The following CREB5 variants were observed in gnomAD, a reference collection of about 807,000 sequenced individuals.
CREB5 encodes the protein cAMP responsive element binding protein 5.
CREB5 carries 19 observed loss-of-function variants against 57.1 expected under a neutral mutation model. That is an observed-to-expected ratio of 0.33 (90% confidence interval 0.23 to 0.49). The LOEUF is 0.49. CREB5 is among the 20% of genes least tolerant of loss of function. The pLI is 0.99. For synonymous variants in CREB5, 238 were observed against 238.3 expected (o/e 1.00, Z 0.01); for missense variants, 579 against 671.6 (o/e 0.86, Z 1.52).
intron 5 of CREB5, among the ~76,000 whole-genome samples, chr7:28,680,908 C>T (rs1180710134): frequency 6.6e-6 from 1 of 152,186 alleles, no homozygotes; most frequent in Non-Finnish European, 1.5e-5. Context: ...GTGGCAGTGT[C>T]TCCTTTTTTA....
intron 1 of CREB5, among the ~76,000 whole-genome samples, chr7:28,435,839 G>A (rs1322778710): frequency 6.6e-6 from 1 of 152,116 alleles, no homozygotes; most frequent in Non-Finnish European, 1.5e-5. Context: ...GAAGATTGGT[G>A]ACTCTTGGAT....
At chr7:28,750,463 T>A (rs1218947724) in intron 7 of CREB5, among the ~76,000 whole-genome samples, 2 of 152,200 alleles carry the variant, frequency 1.3e-5, no homozygotes, top group East Asian at 3.8e-4. Context: ...ACATTATAAA[T>A]TTCTGACAAG....
chr7:28,398,282 C>A (rs543219151), intron 1 of CREB5, among the ~76,000 whole-genome samples: 1 of 152,218 alleles, frequency 6.6e-6, no homozygotes, highest in East Asian at 1.9e-4. Flanking sequence ...GTAGAGCGCT[C>A]CATGGTGAAG....
chr7:28,653,233 T>G (rs1799213136), intron 5 of CREB5, among the ~76,000 whole-genome samples: 1 of 152,176 alleles, frequency 6.6e-6, no homozygotes, highest in African/African-American at 2.4e-5. Context: ...AAAATAGAAC[T>G]AGGTATATTC....
chr7:28,749,244 G>C (rs1804845581), intron 7 of CREB5: 1 of 152,230 alleles, frequency 6.6e-6, no homozygotes, highest in African/African-American at 2.4e-5. Flanking sequence ...GAGTTAATTA[G>C]TATTTAAATA....
intron 5 of CREB5, among the ~76,000 whole-genome samples, chr7:28,672,004 G>A (rs1405976154): frequency 6.6e-6 from 1 of 151,868 alleles, no homozygotes; most frequent in Non-Finnish European, 1.5e-5. Flanking sequence ...ATGCCTGTGA[G>A]CTTTACACCT....
chr7:28,397,986 C>T (rs1262244041), intron 1 of CREB5, among the ~76,000 whole-genome samples: 1 of 152,016 alleles, frequency 6.6e-6, no homozygotes, highest in Non-Finnish European at 1.5e-5. Flanking sequence ...TAAAAATGTA[C>T]AATTCAGTGA....
chr7:28,487,436 G>C (rs566812146), intron 1 of CREB5, among the ~76,000 whole-genome samples: 1 of 152,226 alleles, frequency 6.6e-6, no homozygotes, highest in East Asian at 1.9e-4. Context: ...TGGATCAAGG[G>C]GCAGCAACCT....
chr7:28,629,464 C>A (rs1379820646), intron 5 of CREB5, among the ~76,000 whole-genome samples: 2 of 152,198 alleles, frequency 1.3e-5, no homozygotes, highest in Non-Finnish European at 2.9e-5. Context: ...CTGGGGCAGC[C>A]AACAGACAAC....
rs912669321 is a variant in CREB5 at position 28,522,398 on chromosome 7, T to G, written c.291+14661T>G. Among the ~76,000 whole-genome samples the G allele has an allele frequency of 2.6e-4, 39 of 149,316 alleles. 1 individual carries two copies. The highest frequency in any genetic ancestry group is 8.7e-4 in the African/African-American group (35 of 40,350). On this transcript the variant is annotated intron_variant, in intron 4 of 10. Coordinates refer to ENST00000357727, the MANE Select transcript of CREB5 (RefSeq NM_182898.4). The stretch of plus-strand genomic sequence containing the variant: ...ACTATATCCTGCTCTTTGTTTTTTT[T>G]TTTTTTTTTTTTTCTGAGGTGGAGT...
intron 1 of CREB5, among the ~76,000 whole-genome samples, chr7:28,405,844 A>G (rs188030068): frequency 6.6e-5 from 10 of 152,276 alleles, no homozygotes; most frequent in Admixed American, 5.9e-4. Context: ...GAGTCACTCA[A>G]AGGATGTGTG....
At chr7:28,435,509 A>T in intron 1 of CREB5, 1 of 391,372 alleles carries the variant, frequency 2.6e-6, no homozygotes, top group African/African-American at 2.2e-5. Flanking sequence ...GGCCGGCCTT[A>T]ATATGAATGA....
At chr7:28,548,829 C>G (rs984820812) in intron 4 of CREB5, among the ~76,000 whole-genome samples, 4 of 152,176 alleles carry the variant, frequency 2.6e-5, no homozygotes, top group African/African-American at 4.8e-5. Flanking sequence ...GGTTCTCAAA[C>G]TTTGTCAGTT....
At chr7:28,804,633 T>G (rs1170530487) in intron 8 of CREB5, 111 bp downstream of exon 8, 4 of 1,340,544 alleles carry the variant, frequency 3.0e-6, no homozygotes, top group Admixed American at 1.8e-5. Context: ...AGGTGTTCTA[T>G]CTCACATTCT....
At chr7:28,427,343 T>C (rs1430402817) in intron 1 of CREB5, among the ~76,000 whole-genome samples, 2 of 152,190 alleles carry the variant, frequency 1.3e-5, no homozygotes, top group Admixed American at 1.3e-4. Context: ...TAAGATTCCA[T>C]TGAGTTTCTA....
intron 1 of CREB5, among the ~76,000 whole-genome samples, chr7:28,401,038 C>A (rs1464452141): frequency 6.6e-6 from 1 of 152,170 alleles, no homozygotes; most frequent in Non-Finnish European, 1.5e-5. Flanking sequence ...AGTGTGCTGA[C>A]ACGGCACTAT....
At chr7:28,800,328 A>G (rs1413741374) in intron 7 of CREB5, among the ~76,000 whole-genome samples, 1 of 151,958 alleles carries the variant, frequency 6.6e-6, no homozygotes, top group Non-Finnish European at 1.5e-5. Context: ...CGAAGGCCCC[A>G]TGTCTGGAGG....
chr7:28,608,374 C>A (rs776479647), intron 5 of CREB5, among the ~76,000 whole-genome samples: 1 of 151,916 alleles, frequency 6.6e-6, no homozygotes, highest in African/African-American at 2.4e-5. Context: ...CCAGAAAGAT[C>A]CTTTTGGGAA....
At chr7:28,634,923 G>T (rs529755753) in intron 5 of CREB5, among the ~76,000 whole-genome samples, 1 of 152,246 alleles carries the variant, frequency 6.6e-6, no homozygotes, top group African/African-American at 2.4e-5. Flanking sequence ...GAATGCATTT[G>T]CCTGCAAGTA....
Sources: gnomAD v4.1 joint callset for allele counts (sites outside exome capture counted in the v4.1 genomes callset) on GRCh38, gnomAD v4.1.1 for gene constraint, MANE v1.5 for transcripts, NCBI Gene and HGNC (gene_info 2026-07-23, HGNC 2026-07-21) for gene names.